RAD18: variants seen among roughly 807,000 people sequenced by gnomAD.
The protein encoded by RAD18 is RAD18 E3 ubiquitin protein ligase, also known as E3 ubiquitin-protein ligase RAD18.
Under a neutral mutation model 60.4 loss-of-function variants are expected in RAD18, and 47 were observed. That is an observed-to-expected ratio of 0.78 (90% CI 0.62 to 0.99). The LOEUF (loss-of-function observed/expected upper bound fraction) is 0.99. Ranked by LOEUF, RAD18 falls within the 50% of genes least tolerant of loss-of-function variation. The pLI, the probability that RAD18 is intolerant of heterozygous loss-of-function variation, is 0.00. For synonymous variants in RAD18, 225 were observed against 195.5 expected, an observed-to-expected ratio of 1.15 and a Z score of -1.26; for missense variants, 640 against 593.3, an observed-to-expected ratio of 1.08 and a Z score of -0.82.
At chr3:8,919,617 T>A (rs1940277647) in intron 7 of RAD18, among the ~76,000 whole-genome samples, 1 of 152,266 alleles carries the variant, frequency 6.6e-6, no homozygotes, top group African/African-American at 2.4e-5. Context: ...TGCGTATGTA[T>A]ATATATGCAC....
intron 9 of RAD18, among the ~76,000 whole-genome samples, chr3:8,902,777 A>G (rs1417390279): frequency 1.3e-5 from 2 of 152,192 alleles, no homozygotes; most frequent in Admixed American, 1.3e-4. Context: ...CTGTAATCCC[A>G]GCACTTTGGG....
At chr3:8,958,141 C>T (rs1452882037) in intron 2 of RAD18, among the ~76,000 whole-genome samples, 2 of 152,318 alleles carry the variant, frequency 1.3e-5, no homozygotes, top group South Asian at 2.1e-4. Context: ...CTGCAATGCC[C>T]GTGCTGCCGT....
chr3:8,956,033 TA>T (rs577736525), intron 2 of RAD18, among the ~76,000 whole-genome samples: 117 of 152,346 alleles, frequency 7.7e-4, no homozygotes, highest in African/African-American at 2.8e-3. Flanking sequence ...AACATAGAAT[TA>T]AAACAATATA....
At chr3:8,935,570 A>T (rs972269207) in intron 7 of RAD18, among the ~76,000 whole-genome samples, 1 of 152,064 alleles carries the variant, frequency 6.6e-6, no homozygotes, top group Non-Finnish European at 1.5e-5. Context: ...AAGCTGAAAA[A>T]CGGGCACTGT....
intron 7 of RAD18, among the ~76,000 whole-genome samples, chr3:8,923,127 G>A (rs941742050): frequency 2.0e-5 from 3 of 152,180 alleles, no homozygotes; most frequent in Non-Finnish European, 2.9e-5. Flanking sequence ...AGCTAAAGGA[G>A]GAAGTTCAAA....
At chr3:8,936,882 C>A (rs772771787) in intron 6 of RAD18, among the ~76,000 whole-genome samples, 40 of 152,144 alleles carry the variant, frequency 2.6e-4, no homozygotes, top group Non-Finnish European at 5.0e-4. Context: ...CAACAAGGTT[C>A]TCCAGAGTAA....
chr3:8,897,173 G>A (rs540059048), intron 11 of RAD18, among the ~76,000 whole-genome samples: 4 of 152,222 alleles, frequency 2.6e-5, no homozygotes, highest in African/African-American at 4.8e-5. Context: ...ACCAAACTCT[G>A]AAGTTAAATG....
intron 7 of RAD18, among the ~76,000 whole-genome samples, chr3:8,918,242 CAGG>C (rs1177769450): frequency 6.8e-6 from 1 of 147,186 alleles, no homozygotes; most frequent in African/African-American, 2.6e-5. Flanking sequence ...CGCTTGAATC[CAGG>C]AGGAGGAGGT....
chr3:8,892,497 T>C (rs982038402), intron 11 of RAD18, among the ~76,000 whole-genome samples: 9 of 152,210 alleles, frequency 5.9e-5, no homozygotes, highest in African/African-American at 2.2e-4. Context: ...TTAGAACACC[T>C]GCAATTTATT....
chr3:8,931,398 G>A (rs1464118459), intron 7 of RAD18: 2 of 152,196 alleles, frequency 1.3e-5, no homozygotes, highest in African/African-American at 4.8e-5. Context: ...TGCATTAAAA[G>A]TCTTAATATT....
At chr3:8,888,605 C>G (rs1462019071) in intron 12 of RAD18, among the ~76,000 whole-genome samples, 1 of 152,202 alleles carries the variant, frequency 6.6e-6, no homozygotes. Flanking sequence ...TACATCACAG[C>G]AGAAGTTCTT....
At chr3:8,903,011 G>C (rs1280146712) in intron 9 of RAD18, among the ~76,000 whole-genome samples, 1 of 150,880 alleles carries the variant, frequency 6.6e-6, no homozygotes, top group African/African-American at 2.4e-5. Flanking sequence ...GGGCAACAGG[G>C]CAAGACTCTG....
In RAD18 at chr3:8,935,630, G is replaced by C. The variant is rs566159658; in HGVS notation, c.889+241C>G. Among the ~76,000 whole-genome samples the C allele has an allele frequency of 3.3e-5, 5 of 152,276 alleles. No homozygotes were observed. In the South Asian group the frequency reaches 1.0e-3, roughly 32 times the overall value. On this transcript the variant is annotated intron_variant, in intron 7 of 12. Coordinates refer to ENST00000264926, the MANE Select transcript of RAD18 (RefSeq NM_020165.4). ...TTCCCCACCACATTCTCCCTAGATA[G>C]GCACATGAGAAACTGGCAATGGGGT...
intron 3 of RAD18, among the ~76,000 whole-genome samples, chr3:8,948,283 G>A (rs1940869785): frequency 6.6e-6 from 1 of 152,148 alleles, no homozygotes; most frequent in South Asian, 2.1e-4. Flanking sequence ...ATTAAAGAGT[G>A]CTACTTCCTA....
intron 3 of RAD18, 115 bp from the exon 4 acceptor site, chr3:8,947,405 T>C: frequency 1.3e-6 from 1 of 770,954 alleles, no homozygotes; most frequent in East Asian, 2.5e-5. Flanking sequence ...CCACTAAGTC[T>C]TCTAAGGCAG....
chr3:8,957,384 A>G (rs546932793), intron 2 of RAD18, among the ~76,000 whole-genome samples: 1 of 152,202 alleles, frequency 6.6e-6, no homozygotes, highest in Non-Finnish European at 1.5e-5. Context: ...GAAGAAAAAA[A>G]AGTTGGAGGA....
chr3:8,925,088 CA>C, intron 7 of RAD18, among the ~76,000 whole-genome samples: 1 of 151,874 alleles, frequency 6.6e-6, no homozygotes, highest in South Asian at 2.1e-4. Context: ...AATAGAGACA[CA>C]AAAAACCCTT....
chr3:8,951,721 T>C (rs1940928631), intron 2 of RAD18, among the ~76,000 whole-genome samples: 1 of 152,238 alleles, frequency 6.6e-6, no homozygotes, highest in Non-Finnish European at 1.5e-5. Flanking sequence ...GTGAAATGAA[T>C]GACAGCAATG....
At chr3:8,959,370 A>T (rs1941061233) in intron 1 of RAD18, among the ~76,000 whole-genome samples, 2 of 152,236 alleles carry the variant, frequency 1.3e-5, no homozygotes, top group African/African-American at 4.8e-5. Context: ...CCTAGCCTAT[A>T]GTCACTATTG....
Sources: allele counts gnomAD v4.1 joint callset (sites outside exome capture counted in the v4.1 genomes callset), GRCh38; gene constraint gnomAD v4.1.1; transcripts MANE v1.5; gene names NCBI Gene and HGNC (gene_info 2026-07-23, HGNC 2026-07-21).